Variants in KCNN2 observed in about 807,000 individuals in gnomAD.
The protein encoded by KCNN2 is small conductance calcium-activated potassium channel protein 2.
Under a neutral mutation model 55.5 loss-of-function variants are expected in KCNN2, and 24 were observed. The ratio of observed to expected loss-of-function variants is 0.43; its 90% CI spans 0.31 to 0.61. KCNN2 has a LOEUF of 0.61. Ranked by LOEUF, KCNN2 falls within the 20% of genes least tolerant of loss-of-function variation. KCNN2 has a pLI of 0.08. For synonymous variants in KCNN2, 431 were observed against 336.1 expected (o/e 1.28, Z -3.09); for missense variants, 754 against 853.6 (o/e 0.88, Z 1.45).
chr5:114,213,594 C>T (rs1353102445), intron 1 of KCNN2, among the ~76,000 whole-genome samples: 1 of 151,868 alleles, frequency 6.6e-6, no homozygotes, highest in African/African-American at 2.4e-5. Flanking sequence ...GGTAAAAAAT[C>T]TATTTCCTTC....
At chr5:114,364,063 A>C in intron 2 of KCNN2, 62 bp downstream of exon 2, 1 of 1,231,788 alleles carries the variant, frequency 8.1e-7, no homozygotes, top group Non-Finnish European at 1.2e-6. Flanking sequence ...AGAGAAACGC[A>C]AGGCAGCAGA....
chr5:114,352,832 C>G (rs1488238513), intron 2 of KCNN2, among the ~76,000 whole-genome samples: 2 of 151,792 alleles, frequency 1.3e-5, no homozygotes, highest in African/African-American at 4.8e-5. Flanking sequence ...GACAATGTTC[C>G]TTGTGCACGT....
intron 2 of KCNN2, among the ~76,000 whole-genome samples, chr5:114,301,120 A>T (rs966466909): frequency 1.3e-5 from 2 of 151,640 alleles, no homozygotes; most frequent in African/African-American, 4.8e-5. Flanking sequence ...TCCTTACATT[A>T]CTATGTAAAT....
At chr5:114,313,504 T>G (rs983077479) in intron 2 of KCNN2, among the ~76,000 whole-genome samples, 2 of 152,112 alleles carry the variant, frequency 1.3e-5, no homozygotes, top group African/African-American at 4.8e-5. Flanking sequence ...ACAGTGATGA[T>G]AAAAAGGTGC....
intron 2 of KCNN2, among the ~76,000 whole-genome samples, chr5:114,255,506 C>G (rs1217546131): frequency 6.6e-6 from 1 of 152,148 alleles, no homozygotes. Context: ...GAGAGAGAAA[C>G]ACATGATGAG....
At chr5:114,093,472 A>G (rs183273229) in intron 1 of KCNN2, among the ~76,000 whole-genome samples, 1 of 152,232 alleles carries the variant, frequency 6.6e-6, no homozygotes, top group East Asian at 1.9e-4. Context: ...ATTTTTGGGT[A>G]TGTTTTTAAC....
intron 1 of KCNN2, among the ~76,000 whole-genome samples, chr5:114,065,699 G>T (rs1580478308): frequency 6.6e-6 from 1 of 152,102 alleles, no homozygotes; most frequent in East Asian, 1.9e-4. Context: ...TTCATCTGCA[G>T]CTCCAAGGAT....
At chr5:114,150,589 C>G (rs1752501202) in intron 1 of KCNN2, among the ~76,000 whole-genome samples, 1 of 152,162 alleles carries the variant, frequency 6.6e-6, no homozygotes, top group East Asian at 1.9e-4. Flanking sequence ...GCCAGGGGTC[C>G]TATATCTGGC....
intron 1 of KCNN2, among the ~76,000 whole-genome samples, chr5:114,139,966 CCTTT>C (rs1383860720): frequency 3.9e-5 from 6 of 151,916 alleles, no homozygotes; most frequent in African/African-American, 1.4e-4. Context: ...ATACATACTT[CCTTT>C]CTATTAAGAA....
At chr5:114,391,151 C>G (rs1419717733) in intron 2 of KCNN2, among the ~76,000 whole-genome samples, 1 of 152,060 alleles carries the variant, frequency 6.6e-6, no homozygotes, top group African/African-American at 2.4e-5. Context: ...GTTTCTAGAG[C>G]TTTTCCCAAT....
intron 4 of KCNN2, among the ~76,000 whole-genome samples, chr5:114,469,141 A>G (rs1430140000): frequency 6.6e-6 from 1 of 152,152 alleles, no homozygotes. Context: ...TACATAGGTA[A>G]TAGTAACTAA....
At chr5:114,483,482 G>C (rs191968384) in intron 5 of KCNN2, among the ~76,000 whole-genome samples, 1 of 151,720 alleles carries the variant, frequency 6.6e-6, no homozygotes. Context: ...CTAGATGTTG[G>C]CCACGCTGGT....
chr5:114,229,582 C>A (rs1302392221), intron 2 of KCNN2, among the ~76,000 whole-genome samples: 2 of 148,330 alleles, frequency 1.3e-5, no homozygotes, highest in Non-Finnish European at 3.0e-5. Context: ...TATGTATTTG[C>A]TTTGTTTAAA....
intron 6 of KCNN2, among the ~76,000 whole-genome samples, chr5:114,487,410 C>T (rs968935811): frequency 1.3e-5 from 2 of 152,144 alleles, no homozygotes; most frequent in Non-Finnish European, 2.9e-5. Flanking sequence ...AATATCTTCT[C>T]AGTTTCTTTT....
intron 1 of KCNN2, among the ~76,000 whole-genome samples, chr5:114,216,393 G>T (rs950385871): frequency 2.0e-5 from 3 of 152,078 alleles, no homozygotes; most frequent in Non-Finnish European, 4.4e-5. Context: ...AATGTAGGTT[G>T]GTGGGTCTCA....
chr5:114,106,517 C>G (rs1038691198), intron 1 of KCNN2, among the ~76,000 whole-genome samples: 1 of 151,454 alleles, frequency 6.6e-6, no homozygotes, highest in Non-Finnish European at 1.5e-5. Flanking sequence ...CGCATTCTCA[C>G]TAATACTTGG....
chr5:114,379,400 T>A (rs1024465776), intron 2 of KCNN2, among the ~76,000 whole-genome samples: 1 of 149,620 alleles, frequency 6.7e-6, no homozygotes, highest in African/African-American at 2.4e-5. Context: ...CATTTATGAA[T>A]ATACTTACTG....
chr5:114,355,663 C>T (rs567084322), intron 2 of KCNN2, among the ~76,000 whole-genome samples: 1 of 150,860 alleles, frequency 6.6e-6, no homozygotes, highest in South Asian at 2.1e-4. Context: ...AGAGTAGGAG[C>T]CAAGGAACCA....
intron 4 of KCNN2, among the ~76,000 whole-genome samples, chr5:114,465,870 A>G (rs960507975): frequency 3.9e-5 from 6 of 152,178 alleles, no homozygotes; most frequent in African/African-American, 1.4e-4. Context: ...CATATTTGAG[A>G]TGCTCTGTAG....
Sources: gnomAD v4.1 joint callset for allele counts (sites outside exome capture counted in the v4.1 genomes callset) on GRCh38, gnomAD v4.1.1 for gene constraint, MANE v1.5 for transcripts, NCBI Gene and HGNC (gene_info 2026-07-23, HGNC 2026-07-21) for gene names.